FLOT2: variants seen among roughly 807,000 people sequenced by gnomAD.
FLOT2 encodes the protein flotillin-2.
In FLOT2, 35 loss-of-function variants were observed where a neutral mutation model predicts 54.9. The ratio of observed to expected loss-of-function variants is 0.64; its 90% CI spans 0.49 to 0.84. The LOEUF is 0.84. FLOT2 is among the 40% of genes least tolerant of loss of function. The probability of loss-of-function intolerance (pLI) is 0.00; values close to 1 mark genes in which losing one functional copy is unlikely to be tolerated. For missense variants in FLOT2, 464 were observed against 572.1 expected (o/e 0.81, Z 1.93); for synonymous variants, 207 against 228.9 (o/e 0.90, Z 0.86).
chr17:28,881,296 C>T lies in FLOT2; in HGVS notation c.994G>A (p.Ala332Thr). ...IGEAEAAVIE[A>T]MGKAEAERMK... ...CGCTCAGCCTCTGCCTTGCCCATCG[C>T]CTCGATGACTGCCGCTTCCGCCTCC... The change falls in exon 9 of 11, where the codon GCG (alanine) becomes ACG (threonine). Residue 332 changes from alanine to threonine, a missense_variant. Ala to Thr is a moderately conservative substitution (Grantham distance 58). Coordinates refer to ENST00000394908, the MANE Select transcript of FLOT2 (RefSeq NM_004475.3). The T allele has an allele frequency of 6.2e-7, 1 of 1,614,128 alleles. No homozygotes were observed. Among genetic ancestry groups the T allele is most frequent in the Non-Finnish European group, 8.5e-7 (1 of 1,180,010 alleles).
intron 2 of FLOT2, among the ~76,000 whole-genome samples, chr17:28,885,182 C>G (rs1254754011): frequency 3.3e-5 from 5 of 152,196 alleles, no homozygotes; most frequent in Admixed American, 2.0e-4. Context: ...GTGCTCCAAG[C>G]CTCCCAGGCC....
intron 1 of FLOT2, among the ~76,000 whole-genome samples, chr17:28,896,595 T>TC (rs2039744793): frequency 1.3e-5 from 2 of 152,162 alleles, no homozygotes; most frequent in African/African-American, 2.4e-5. Flanking sequence ...ATCACCCCTC[T>TC]CCAAGGGTTG....
chr17:28,881,793 C>T (rs199883531), intron 8 of FLOT2, 21 bp downstream of exon 8: 43 of 1,609,690 alleles, frequency 2.7e-5, no homozygotes, highest in East Asian at 6.7e-5. Context: ...GCCCTGACCC[C>T]GGCACCTGGG....
Position 28,884,023 on chromosome 17 carries a change from T to C in FLOT2, c.222+202A>G, listed in dbSNP as rs943216045. The stretch of plus-strand genomic sequence containing the variant: ...CCGCTGAGGAGAGAAGGGGTGTCTG[T>C]TAGTCCTGCTGGGTGGCCAAAATGG... On this transcript the variant is annotated intron_variant, in intron 3 of 10. Transcript: ENST00000394908. This position sits in a 1 kb window ranked among gnomAD's most constrained non-coding sequence, Gnocchi z 5.1. Among the ~76,000 whole-genome samples the C allele has an allele frequency of 5.3e-5, 8 of 152,206 alleles. No homozygotes were observed. The highest frequency in any genetic ancestry group is 1.9e-4 in the African/African-American group (8 of 41,458).
Position 28,882,711 on chromosome 17 carries a change from G to C in FLOT2, c.347-20C>G, listed in dbSNP as rs1320904558. On this transcript the variant is annotated intron_variant, in intron 4 of 10. Transcript: ENST00000394908. The surrounding 1 kb of genome is among the most constrained non-coding windows in gnomAD (Gnocchi z 5.6). Reference sequence around the variant, plus strand: ...GGGTCCCTGGGGGCAGAGGGATCAAGGGCTGGCTCCCCAGGGACCCAGCCA... The same window carrying C: ...GGGTCCCTGGGGGCAGAGGGATCAACGGCTGGCTCCCCAGGGACCCAGCCA... The C allele has an allele frequency of 6.5e-7, 1 of 1,547,652 alleles. No individual in the cohort carries two copies. Among genetic ancestry groups the C allele is most frequent in the Admixed American group, 1.7e-5 (1 of 59,538 alleles).
intron 1 of FLOT2, chr17:28,892,575 G>C (rs2039671467): frequency 6.6e-6 from 1 of 151,852 alleles, no homozygotes; most frequent in Non-Finnish European, 1.5e-5. Flanking sequence ...TCCTGACCTC[G>C]TGATCTGCCC....
In FLOT2 at chr17:28,883,017, T is replaced by C; in HGVS notation, c.346+91A>G. The C allele has an allele frequency of 1.5e-6, 2 of 1,354,148 alleles. No homozygotes were observed. Among genetic ancestry groups the C allele is most frequent in the East Asian group, 2.3e-5 (1 of 43,220 alleles). The allele number at this position is 1,354,148 out of a possible 1,614,324, so 83.9% of individuals were successfully genotyped here. On this transcript the variant is annotated intron_variant, in intron 4 of 10. Coordinates refer to ENST00000394908, the MANE Select transcript of FLOT2 (RefSeq NM_004475.3). This position sits in a 1 kb window ranked among gnomAD's most constrained non-coding sequence, Gnocchi z 5.0. ...GAAAAGTGTTTTAGCTTGAAACTCC[T>C]GTGAAACAGGCCCCCTGCCCAGCCC... is the stretch of plus-strand genomic sequence containing the variant.
intron 1 of FLOT2, among the ~76,000 whole-genome samples, chr17:28,893,976 A>T (rs2039695891): frequency 6.6e-6 from 1 of 152,244 alleles, no homozygotes; most frequent in South Asian, 2.1e-4. Context: ...ATTTTAAGGC[A>T]GTAGCTTGCC....
In FLOT2 at chr17:28,882,499, C is replaced by A. The variant is rs753882638; in HGVS notation, c.466-49G>T. 1 of 1,594,584 alleles carries A rather than the reference C, an allele frequency of 6.3e-7. No individual in the cohort carries two copies. ...AGGCTCAAAGGAGCAGCCAGAGGCA[C>A]AAAGGTGCCCCTCTAACAAAGCCAC... On this transcript the variant is annotated intron_variant, in intron 5 of 10. Transcript: ENST00000394908. This position sits in a 1 kb window ranked among gnomAD's most constrained non-coding sequence, Gnocchi z 5.6.
At position 28,886,131 on chromosome 17, in the gene FLOT2, C is replaced by A. The variant is rs1156861411; in HGVS notation, c.132-1816G>T. On this transcript the variant is annotated intron_variant, in intron 2 of 10. Transcript: ENST00000394908. ...GCCGAGGGCTGCAGGACAGCAGCGA[C>A]CTCCTGTGCTGATCCGAGGCCTCTG... The A allele has an allele frequency of 9.4e-6, 6 of 635,252 alleles. No individual in the cohort carries two copies. The South Asian group carries it at 1.1e-4, about 11-fold the overall frequency. The allele number at this position is 635,252 out of a possible 1,614,324, so 39.4% of individuals were successfully genotyped here. A position where few individuals can be genotyped will look rare whatever the true frequency, so the allele number is the denominator to read the frequency against.
chr17:28,881,303 G>A lies in FLOT2; in HGVS notation c.987C>T (p.Val329=), dbSNP rs1363300330. 6.2e-7 allele frequency: 1 copy of A among 1,613,948 alleles called. No homozygotes were observed. Among genetic ancestry groups the A allele is most frequent in the Non-Finnish European group, 8.5e-7 (1 of 1,180,008 alleles). ...IRKIGEAEAA[V]IEAMGKAEAE... ...CCTCTGCCTTGCCCATCGCCTCGAT[G>A]ACTGCCGCTTCCGCCTCCCCGATTT... Residue 329 remains valine, a synonymous_variant, in exon 9 of 11, where the codon GTC becomes GTT. Transcript: ENST00000394908.
rs1296151919 is a variant in FLOT2, at chr17:28,884,448, G to C, written c.132-133C>G. ...TGGAGGGAGGACTCTCCACGGGGCT[G>C]AGATGGGAGTGTCTGAGAAGGAGGT... On this transcript the variant is annotated intron_variant, in intron 2 of 10. Coordinates refer to ENST00000394908, the MANE Select transcript of FLOT2 (RefSeq NM_004475.3). The surrounding 1 kb of genome is among the most constrained non-coding windows in gnomAD (Gnocchi z 5.1). 1.6e-6 allele frequency: 1 copy of C among 613,452 alleles called. No individual in the cohort carries two copies. The highest frequency in any genetic ancestry group is 1.8e-5 in the African/African-American group (1 of 54,070). The allele number at this position is 613,452 out of a possible 1,614,324, so 38.0% of individuals were successfully genotyped here.
intron 2 of FLOT2, among the ~76,000 whole-genome samples, chr17:28,888,536 A>C (rs562813736): frequency 6.6e-6 from 1 of 152,208 alleles, no homozygotes; most frequent in Non-Finnish European, 1.5e-5. Context: ...AAGGGTGTGC[A>C]TGGGGTCCCT....
chr17:28,894,783 C>T (rs1167498464), intron 1 of FLOT2, among the ~76,000 whole-genome samples: 2 of 140,220 alleles, frequency 1.4e-5, no homozygotes, highest in Non-Finnish European at 3.0e-5. Context: ...GGTGACAGAG[C>T]AAGACTGTAT....
Position 28,882,748 on chromosome 17 carries a change from G to C in FLOT2, c.347-57C>G. On this transcript the variant is annotated intron_variant, in intron 4 of 10. Coordinates refer to ENST00000394908, the MANE Select transcript of FLOT2 (RefSeq NM_004475.3). The surrounding 1 kb of genome is among the most constrained non-coding windows in gnomAD (Gnocchi z 5.6). The stretch of plus-strand genomic sequence containing the variant: ...CAGGGACCCAGCCAGCTGGGGAAGG[G>C]AGGAGGCATGCATGTAGAGGTAGGG... 8.6e-7 allele frequency: 1 copy of C among 1,162,492 alleles called. No individual in the cohort carries two copies. The highest frequency in any genetic ancestry group is 1.3e-6 in the Non-Finnish European group (1 of 775,124). The allele number at this position is 1,162,492 out of a possible 1,614,324, so 72.0% of individuals were successfully genotyped here.
intron 1 of FLOT2, among the ~76,000 whole-genome samples, chr17:28,893,611 C>T (rs2039689977): frequency 6.6e-6 from 1 of 152,058 alleles, no homozygotes; most frequent in Non-Finnish European, 1.5e-5. Flanking sequence ...AAGAGAGAGA[C>T]CCTCTCATAT....
Position 28,883,686 on chromosome 17 carries a change from T to C in FLOT2, c.223-455A>G, listed in dbSNP as rs1301396732. On this transcript the variant is annotated intron_variant, in intron 3 of 10. Transcript: ENST00000394908. The surrounding 1 kb of genome is among the most constrained non-coding windows in gnomAD (Gnocchi z 5.0). ...ACCGAGGGTGCCTCTCCTTCTTGAGTTACTCAGCCAACCCCTCGCCGAGGC... is the reference window on the plus strand; with the variant it reads ...ACCGAGGGTGCCTCTCCTTCTTGAGCTACTCAGCCAACCCCTCGCCGAGGC... Among the ~76,000 whole-genome samples the C allele has an allele frequency of 1.3e-5, 2 of 152,030 alleles. No individual in the cohort carries two copies. The highest frequency in any genetic ancestry group is 2.9e-5 in the Non-Finnish European group (2 of 67,986).
chr17:28,883,024 C>T lies in FLOT2; in HGVS notation c.346+84G>A. On this transcript the variant is annotated intron_variant, in intron 4 of 10. Transcript: ENST00000394908. This position sits in a 1 kb window ranked among gnomAD's most constrained non-coding sequence, Gnocchi z 5.0. ...GTTTTAGCTTGAAACTCCTGTGAAA[C>T]AGGCCCCCTGCCCAGCCCTGCACAC... 5 of 1,413,978 alleles carry T rather than the reference C, an allele frequency of 3.5e-6. No individual in the cohort carries two copies. In the South Asian group the frequency reaches 3.7e-5, roughly 10 times the overall value. The allele number at this position is 1,413,978 out of a possible 1,614,324, so 87.6% of individuals were successfully genotyped here. A position where few individuals can be genotyped will look rare whatever the true frequency, so the allele number is the denominator to read the frequency against.
chr17:28,884,194 G>A lies in FLOT2; in HGVS notation c.222+31C>T, dbSNP rs776917423. 84 of 1,520,494 alleles carry A rather than the reference G, an allele frequency of 5.5e-5. 1 individual carries two copies. The highest frequency in any genetic ancestry group is 3.0e-4 in the South Asian group (27 of 89,288). The allele number at this position is 1,520,494 out of a possible 1,614,324, so 94.2% of individuals were successfully genotyped here. A position where few individuals can be genotyped will look rare whatever the true frequency, so the allele number is the denominator to read the frequency against. On this transcript the variant is annotated intron_variant, in intron 3 of 10. Coordinates refer to ENST00000394908, the MANE Select transcript of FLOT2 (RefSeq NM_004475.3). The surrounding 1 kb of genome is among the most constrained non-coding windows in gnomAD (Gnocchi z 5.1). Reference sequence around the variant, plus strand: ...CGAGTACGGGACCAGGCAGCTCAACGGACATGCGCAGGGCTGCTGAGTTAC... The same window carrying A: ...CGAGTACGGGACCAGGCAGCTCAACAGACATGCGCAGGGCTGCTGAGTTAC...
Sources: allele counts gnomAD v4.1 joint callset (sites outside exome capture counted in the v4.1 genomes callset), GRCh38; gene constraint gnomAD v4.1.1; non-coding constraint Gnocchi (gnomAD v3.1); transcripts MANE v1.5; gene names NCBI Gene and HGNC (gene_info 2026-07-23, HGNC 2026-07-21).